Variants in TOE1 observed in about 807,000 individuals in gnomAD.
TOE1 encodes the protein target of EGR1, exonuclease.
In TOE1, 50 loss-of-function variants were observed where a neutral mutation model predicts 49.2. That is an observed-to-expected ratio of 1.02 (90% CI 0.81 to 1.29). The LOEUF is 1.29. Ranked by LOEUF, TOE1 falls within the 50% of genes most tolerant of loss-of-function variation. TOE1 has a pLI of 0.00. For missense variants in TOE1, 544 were observed against 654.4 expected (o/e 0.83, Z 1.84); for synonymous variants, 221 against 247.0 (o/e 0.89, Z 0.99).
intron 1 of TOE1, chr1:45,340,508 G>A: frequency 7.0e-7 from 1 of 1,434,658 alleles, no homozygotes; most frequent in Non-Finnish European, 9.1e-7. Context: ...GGCTGATGGA[G>A]GCATGGCGGG....
rs893171494 is a variant in TOE1 at position 45,343,813 on chromosome 1, A to T, written c.*111A>T. 2 of 1,316,298 alleles carry T rather than the reference A, an allele frequency of 1.5e-6. No homozygotes were observed. The highest frequency in any genetic ancestry group is 4.6e-5 in the East Asian group (2 of 43,034). The allele number at this position is 1,316,298 out of a possible 1,614,324, so 81.5% of individuals were successfully genotyped here. A position where few individuals can be genotyped will look rare whatever the true frequency, so the allele number is the denominator to read the frequency against. On this transcript the variant is annotated 3_prime_UTR_variant, in exon 8 of 8. Coordinates refer to ENST00000372090, the MANE Select transcript of TOE1 (RefSeq NM_025077.4). The surrounding 1 kb of genome is among the most constrained non-coding windows in gnomAD (Gnocchi z 4.3). ...TAGGGGAGGGGGAATGTCTTGACAG[A>T]CATCACTGCATTGCCCTGGACCGCC... is the stretch of plus-strand genomic sequence containing the variant.
chr1:45,341,781 A>G (rs1331808493), intron 4 of TOE1, among the ~76,000 whole-genome samples, 168 bp from the exon 5 acceptor site: 1 of 151,646 alleles, frequency 6.6e-6, no homozygotes, highest in Non-Finnish European at 1.5e-5. Context: ...ATTTTGGTGC[A>G]CCTATCACCC....
At chr1:45,342,757 T>C (rs1331256410) in intron 6 of TOE1, 86 bp from the exon 7 acceptor site, 1 of 1,601,176 alleles carries the variant, frequency 6.2e-7, no homozygotes, top group Non-Finnish European at 8.5e-7. Flanking sequence ...GTGCTGAGGA[T>C]TCAGCAGTGA....
In TOE1 at chr1:45,341,344, G is replaced by A; in HGVS notation, c.236+1G>A. 6.2e-7 allele frequency: 1 copy of A among 1,614,164 alleles called. No homozygotes were observed. Among genetic ancestry groups the A allele is most frequent in the South Asian group, 1.1e-5 (1 of 91,088 alleles). On this transcript the variant is annotated splice_donor_variant, in intron 3 of 7. Transcript: ENST00000372090. LOFTEE classifies it high-confidence loss of function. ...GGGACAGGAAGAGTTTGCTGAACCA[G>A]TAAGTATAAGCCCTTTTCTCTTTAG...
chr1:45,343,785 G>C lies in TOE1; in HGVS notation c.*83G>C. 1 of 1,477,662 alleles carries C rather than the reference G, an allele frequency of 6.8e-7. No homozygotes were observed. The highest frequency in any genetic ancestry group is 9.2e-7 in the Non-Finnish European group (1 of 1,090,706). 91.5% of individuals were successfully genotyped at this position (1,477,662 alleles called of 1,614,324 possible). A position where few individuals can be genotyped will look rare whatever the true frequency, so the allele number is the denominator to read the frequency against. ...AAATGTCATCCTCAACTGCTACTGA[G>C]TTTAGGGGAGGGGGAATGTCTTGAC... On this transcript the variant is annotated 3_prime_UTR_variant, in exon 8 of 8. Coordinates refer to ENST00000372090, the MANE Select transcript of TOE1 (RefSeq NM_025077.4). The surrounding 1 kb of genome is among the most constrained non-coding windows in gnomAD (Gnocchi z 4.3).
At position 45,340,223 on chromosome 1, in the gene TOE1, A is replaced by C. The variant is rs752665489; in HGVS notation, c.-30A>C. 1.9e-6 allele frequency: 3 copies of C among 1,613,842 alleles called. No individual in the cohort carries two copies. The highest frequency in any genetic ancestry group is 2.5e-6 in the Non-Finnish European group (3 of 1,180,026). The stretch of plus-strand genomic sequence containing the variant: ...CGGACCGCAAGTCCAGCGTACCCAC[A>C]GACGACTCAGGCGGGAGACGAGCGG... On this transcript the variant is annotated 5_prime_UTR_variant, in exon 1 of 8. Coordinates refer to ENST00000372090, the MANE Select transcript of TOE1 (RefSeq NM_025077.4).
Position 45,343,642 on chromosome 1 carries a change from G to A in TOE1, c.1473G>A (p.Gln491=). 1.2e-6 allele frequency: 2 copies of A among 1,613,738 alleles called. No homozygotes were observed. The highest frequency in any genetic ancestry group is 1.1e-5 in the South Asian group (1 of 91,080). Residue 491 remains glutamine (Q), a synonymous_variant, in exon 8 of 8, where the codon CAG becomes CAA. Transcript: ENST00000372090. This position sits in a 1 kb window ranked among gnomAD's most constrained non-coding sequence, Gnocchi z 4.3. ...TACCCCTCACAGTGGCCAAGAGCCA[G>A]TTCTCTCGTTCCTCCAAAGCCCACA... ...KAVPLTVAKS[Q]FSRSSKAHNQ...
rs201746729 is a variant in TOE1, at chr1:45,340,209, T to G, written c.-44T>G. The G allele has an allele frequency of 6.8e-6, 11 of 1,613,674 alleles. No homozygotes were observed. The East Asian group carries it at 8.9e-5, about 13-fold the overall frequency. On this transcript the variant is annotated 5_prime_UTR_variant, in exon 1 of 8. Transcript: ENST00000372090. ...ACCGCGCCAGGAGACGGACCGCAAG[T>G]CCAGCGTACCCACAGACGACTCAGG...
Position 45,342,483 on chromosome 1 carries a change from T to C in TOE1, c.592T>C (p.Phe198Leu). 5 of 1,614,142 alleles carry C rather than the reference T, an allele frequency of 3.1e-6. No homozygotes were observed. Among genetic ancestry groups the C allele is most frequent in the Non-Finnish European group, 4.2e-6 (5 of 1,180,030 alleles). Reference sequence around the variant, plus strand: ...ACACAATGGCCTTATAGACTTGGTGTTCCTGTACCAGAACTTCTATGCACA... The same window carrying C: ...ACACAATGGCCTTATAGACTTGGTGCTCCTGTACCAGAACTTCTATGCACA... ...VLHNGLIDLV[F>L]LYQNFYAHLP... Residue 198 changes from phenylalanine (F) to leucine (L), a missense_variant, in exon 6 of 8, where the codon TTC becomes CTC. Phe to Leu is a conservative substitution (Grantham distance 22). Coordinates refer to ENST00000372090, the MANE Select transcript of TOE1 (RefSeq NM_025077.4).
At position 45,341,218 on chromosome 1, in the gene TOE1, G is replaced by A. The variant is rs1646942853; in HGVS notation, c.195+3G>A. On this transcript the variant is annotated splice_donor_region_variant and intron_variant, in intron 2 of 7. Transcript: ENST00000372090. ...CTAATTTCGTGGCTGTGGACACGGT[G>A]AGAGTTGGGAAACAAGGAGGGCAGG... 1 of 1,614,102 alleles carries A rather than the reference G, an allele frequency of 6.2e-7. No individual in the cohort carries two copies. Among genetic ancestry groups the A allele is most frequent in the South Asian group, 1.1e-5 (1 of 91,090 alleles).
chr1:45,340,570 C>T, intron 1 of TOE1: 1 of 1,362,802 alleles, frequency 7.3e-7, no homozygotes, highest in Non-Finnish European at 9.5e-7. Context: ...TGATTCAGTT[C>T]AGTGGAGTGG....
chr1:45,342,708 T>G, intron 6 of TOE1, 65 bp downstream of exon 6: 1 of 1,601,026 alleles, frequency 6.2e-7, no homozygotes, highest in Non-Finnish European at 8.5e-7. Context: ...ACTTAAGATA[T>G]TTATTGAGCT....
In TOE1 at chr1:45,341,990, G is replaced by A; in HGVS notation, c.375G>A (p.Leu125=). 1 of 1,614,024 alleles carries A rather than the reference G, an allele frequency of 6.2e-7. No individual in the cohort carries two copies. Among genetic ancestry groups the A allele is most frequent in the Admixed American group, 1.7e-5 (1 of 60,022 alleles). Reference sequence around the variant, plus strand: ...TGGCTCAAGTGTTCAATCTCACTCTGCTGTGCATGGAGGAGTATGTCATAG... The same window carrying A: ...TGGCTCAAGTGTTCAATCTCACTCTACTGTGCATGGAGGAGTATGTCATAG... The part of the protein sequence containing the change: ...SYLAQVFNLT[L]LCMEEYVIEP... Residue 125 remains leucine (L), a synonymous_variant, in exon 5 of 8, where the codon CTG becomes CTA. Transcript: ENST00000372090.
chr1:45,340,343 G>C, intron 1 of TOE1, 39 bp downstream of exon 1: 1 of 1,594,840 alleles, frequency 6.3e-7, no homozygotes, highest in East Asian at 2.3e-5. Flanking sequence ...AAGCCTCTGC[G>C]CTCTGGGAGA....
Position 45,341,285 on chromosome 1 carries a change from C to T in TOE1, c.196-18C>T. Reference sequence around the variant, plus strand: ...GGTGCTAGAGGCCTGTCACAACTCTCCCTTTACCTACCCACAGGAGCTGAG... The same window carrying T: ...GGTGCTAGAGGCCTGTCACAACTCTTCCTTTACCTACCCACAGGAGCTGAG... On this transcript the variant is annotated intron_variant, in intron 2 of 7. Coordinates refer to ENST00000372090, the MANE Select transcript of TOE1 (RefSeq NM_025077.4). The T allele has an allele frequency of 6.2e-7, 1 of 1,614,190 alleles. No homozygotes were observed. The highest frequency in any genetic ancestry group is 2.2e-5 in the East Asian group (1 of 44,886).
chr1:45,341,679 CT>C, intron 4 of TOE1, 110 bp downstream of exon 4: 1 of 1,049,954 alleles, frequency 9.5e-7, no homozygotes, highest in Non-Finnish European at 1.3e-6. Context: ...TTTTTTTTGA[CT>C]TGATAGTTTT....
intron 5 of TOE1, 57 bp from the exon 6 acceptor site, chr1:45,342,326 CA>C: frequency 6.3e-7 from 1 of 1,588,648 alleles, no homozygotes; most frequent in South Asian, 1.1e-5. Context: ...AAGTGCCCAG[CA>C]GAAGAGGCTC....
intron 5 of TOE1, 61 bp from the exon 6 acceptor site, chr1:45,342,323 C>A: frequency 6.3e-7 from 1 of 1,586,452 alleles, no homozygotes; most frequent in Non-Finnish European, 8.6e-7. Flanking sequence ...GATAAGTGCC[C>A]AGCAGAAGAG....
intron 5 of TOE1, 22 bp from the exon 6 acceptor site, chr1:45,342,362 T>A (rs1647048961): frequency 6.2e-7 from 1 of 1,611,808 alleles, no homozygotes. Context: ...TCCTCCTCAT[T>A]GACCCCTTTA....
Sources: gnomAD v4.1 joint callset for allele counts (sites outside exome capture counted in the v4.1 genomes callset) on GRCh38, gnomAD v4.1.1 for gene constraint, Gnocchi (gnomAD v3.1) non-coding constraint, MANE v1.5 for transcripts, NCBI Gene and HGNC (gene_info 2026-07-23, HGNC 2026-07-21) for gene names.